CA3: variants seen among roughly 807,000 people sequenced by gnomAD.
CA3 encodes the protein carbonic anhydrase 3.
In CA3, 30 loss-of-function variants were observed where a neutral mutation model predicts 35.7. That is an observed-to-expected ratio of 0.84 (90% CI 0.63 to 1.14). The LOEUF is 1.14. Among genes scored for constraint, CA3 ranks in the 50% most tolerant of loss-of-function variants. The pLI is 0.00. For synonymous variants in CA3, 131 were observed against 130.8 expected (o/e 1.00, Z -0.01); for missense variants, 295 against 328.5 (o/e 0.90, Z 0.79).
chr8:85,439,302 G>T (rs1359303069), intron 1 of CA3, among the ~76,000 whole-genome samples: 1 of 152,164 alleles, frequency 6.6e-6, no homozygotes, highest in Non-Finnish European at 1.5e-5. Context: ...TGGTGCCGGT[G>T]TGAGAATCTC....
chr8:85,444,057 G>A lies in CA3; in HGVS notation c.375G>A (p.Pro125=), dbSNP rs965371263. 21 of 1,613,212 alleles carry A rather than the reference G, an allele frequency of 1.3e-5. No homozygotes were observed. The highest frequency in any genetic ancestry group is 3.3e-4 in the Middle Eastern group (2 of 6,082). ...AAELHLVHWN[P]KYNTFKEALK... ...AGCTTCATTTGGTTCACTGGAACCC[G>A]AAGTATAACACTTTTAAAGAAGCCC... The change falls in exon 4 of 7, where the codon CCG becomes CCA. Residue 125 remains proline (P), a synonymous_variant. Coordinates refer to ENST00000285381, the MANE Select transcript of CA3 (RefSeq NM_005181.4).
intron 1 of CA3, among the ~76,000 whole-genome samples, 194 bp from the exon 2 acceptor site, chr8:85,439,518 G>C (rs1811177687): frequency 6.6e-6 from 1 of 152,122 alleles, no homozygotes; most frequent in Non-Finnish European, 1.5e-5. Context: ...GAGTTAAATA[G>C]TCTCCATGTG....
chr8:85,443,949 C>A, intron 3 of CA3, 85 bp from the exon 4 acceptor site: 1 of 962,090 alleles, frequency 1.0e-6, no homozygotes, highest in Non-Finnish European at 1.7e-6. Flanking sequence ...TTAGCCTGTA[C>A]AATGATTGGG....
chr8:85,445,548 C>T (rs955266070), intron 5 of CA3, among the ~76,000 whole-genome samples: 10 of 139,422 alleles, frequency 7.2e-5, no homozygotes, highest in East Asian at 4.1e-4. Flanking sequence ...ACACACACTG[C>T]ATATATGCAT....
intron 2 of CA3, 77 bp downstream of exon 2, chr8:85,439,986 A>C: frequency 9.0e-7 from 1 of 1,113,288 alleles, no homozygotes; most frequent in Non-Finnish European, 1.3e-6. Context: ...ATGACACAGT[A>C]CCAGAATTAA....
chr8:85,444,877 A>G (rs1811260373), intron 4 of CA3, among the ~76,000 whole-genome samples: 1 of 152,204 alleles, frequency 6.6e-6, no homozygotes, highest in Non-Finnish European at 1.5e-5. Flanking sequence ...GGTTTTTAGA[A>G]AAGTGGAATG....
chr8:85,447,900 A>G (rs746929067), intron 6 of CA3, 134 bp from the exon 7 acceptor site: 230 of 849,728 alleles, frequency 2.7e-4, no homozygotes, highest in Non-Finnish European at 3.9e-4. Context: ...CTCTGTCTCA[A>G]AAACAAACAA....
rs191331510 is a variant in CA3 at position 85,440,336 on chromosome 8, A to G, written c.232+427A>G. On this transcript the variant is annotated intron_variant, in intron 2 of 6. Transcript: ENST00000285381. Reference sequence around the variant, plus strand: ...GCCAGATATACAATAGAAACCCTAAATAGGCACTTTCTTCCCTTGGTGCCT... The same window carrying G: ...GCCAGATATACAATAGAAACCCTAAGTAGGCACTTTCTTCCCTTGGTGCCT... Among the ~76,000 whole-genome samples, 4 of 152,304 alleles carry G rather than the reference A, an allele frequency of 2.6e-5. No individual in the cohort carries two copies. The East Asian group carries it at 7.7e-4, about 29-fold the overall frequency.
chr8:85,440,487 T>A (rs1811192669), intron 2 of CA3, among the ~76,000 whole-genome samples: 1 of 152,216 alleles, frequency 6.6e-6, no homozygotes, highest in African/African-American at 2.4e-5. Context: ...ATCTGACAAT[T>A]TCTTCTTGAG....
intron 1 of CA3, among the ~76,000 whole-genome samples, chr8:85,439,426 A>G (rs912224492): frequency 3.3e-5 from 5 of 152,178 alleles, no homozygotes; most frequent in African/African-American, 1.2e-4. Context: ...CAACTCTATG[A>G]TGGAAGGTGT....
In CA3 at chr8:85,443,990, A is replaced by G. The variant is rs777753695; in HGVS notation, c.352-44A>G. 3.9e-6 allele frequency: 5 copies of G among 1,280,902 alleles called. No individual in the cohort carries two copies. The South Asian group carries it at 4.7e-5, about 12-fold the overall frequency. The allele number at this position is 1,280,902 out of a possible 1,614,324, so 79.3% of individuals were successfully genotyped here. A position where few individuals can be genotyped will look rare whatever the true frequency, so the allele number is the denominator to read the frequency against. On this transcript the variant is annotated intron_variant, in intron 3 of 6. Transcript: ENST00000285381. The stretch of plus-strand genomic sequence containing the variant: ...TGTGGATAATGTTGTACTTATTTCC[A>G]TATTCCAGGAATTTACCTTCTAATC...
chr8:85,445,164 T>A lies in CA3; in HGVS notation c.453T>A (p.His151Gln), dbSNP rs767614051. ...TTTCTGTTTTCTTACAGATAGGACA[T>A]GAGAATGGCGAGTTCCAGATTTTCC... ...AVIGIFLKIG[H>Q]ENGEFQIFLD... Residue 151 changes from histidine (H) to glutamine (Q), a missense_variant, in exon 5 of 7, where the codon CAT (histidine) becomes CAA (glutamine). Transcript: ENST00000285381. 1 of 1,603,572 alleles carries A rather than the reference T, an allele frequency of 6.2e-7. No individual in the cohort carries two copies. Among genetic ancestry groups the A allele is most frequent in the Non-Finnish European group, 8.5e-7 (1 of 1,172,302 alleles).
rs984203745 is a variant in CA3, at chr8:85,445,192, G to C, written c.481G>C (p.Asp161His). Residue 161 changes from aspartate to histidine, a missense_variant, in exon 5 of 7, where the codon GAT (aspartate) becomes CAT (histidine). Asp to His is a moderately conservative substitution (Grantham distance 81). Coordinates refer to ENST00000285381, the MANE Select transcript of CA3 (RefSeq NM_005181.4). ...GAATGGCGAGTTCCAGATTTTCCTTGATGCATTGGACAAGATTAAGACAAA... is the reference window on the plus strand; with the variant it reads ...GAATGGCGAGTTCCAGATTTTCCTTCATGCATTGGACAAGATTAAGACAAA... The part of the protein sequence containing the change: ...HENGEFQIFL[D>H]ALDKIKTKGK... The C allele has an allele frequency of 3.7e-6, 6 of 1,608,036 alleles. No individual in the cohort carries two copies. The highest frequency in any genetic ancestry group is 5.1e-6 in the Non-Finnish European group (6 of 1,176,148).
intron 2 of CA3, 31 bp downstream of exon 2, chr8:85,439,940 G>A (rs201808951): frequency 7.1e-6 from 11 of 1,554,390 alleles, no homozygotes; most frequent in Non-Finnish European, 8.8e-6. Flanking sequence ...GAATCACATG[G>A]ATGTTTTCAA....
At chr8:85,438,966 C>T (rs1015350490) in intron 1 of CA3, 23 bp downstream of exon 1, 3 of 1,550,712 alleles carry the variant, frequency 1.9e-6, no homozygotes, top group African/African-American at 2.7e-5. Flanking sequence ...AGCCGCGACC[C>T]GGCCAGGAAG....
Position 85,439,889 on chromosome 8 carries a change from A to T in CA3, c.212A>T (p.Asp71Val). Residue 71 changes from aspartate (D) to valine (V), a missense_variant, in exon 2 of 7, where the codon GAT (aspartate) becomes GTT (valine). Transcript: ENST00000285381. ...NNGKTCRVVF[D>V]DTYDRSMLRG... Reference sequence around the variant, plus strand: ...GGGAAGACCTGCCGAGTTGTATTTGATGATACTTATGATAGGTCAAGTAAG... The same window carrying T: ...GGGAAGACCTGCCGAGTTGTATTTGTTGATACTTATGATAGGTCAAGTAAG... The T allele has an allele frequency of 6.2e-7, 1 of 1,612,248 alleles. No homozygotes were observed. Among genetic ancestry groups the T allele is most frequent in the Non-Finnish European group, 8.5e-7 (1 of 1,179,442 alleles).
At chr8:85,441,974 T>C in intron 2 of CA3, 99 bp from the exon 3 acceptor site, 1 of 748,520 alleles carries the variant, frequency 1.3e-6, no homozygotes, top group Non-Finnish European at 2.4e-6. Context: ...ACTGACCACA[T>C]TTTGTCCATT....
intron 6 of CA3, among the ~76,000 whole-genome samples, chr8:85,446,886 T>C (rs1365743992): frequency 2.6e-5 from 4 of 152,088 alleles, no homozygotes; most frequent in Non-Finnish European, 5.9e-5. Context: ...TAACATTCAT[T>C]AAAGACACTA....
chr8:85,445,503 AACACACACACAC>A (rs766933947), intron 5 of CA3, among the ~76,000 whole-genome samples: 4 of 123,294 alleles, frequency 3.2e-5, no homozygotes, highest in African/African-American at 7.7e-5. Context: ...ATCCTCGCCC[AACACACACACAC>A]ACACACACAC....
Sources: allele counts gnomAD v4.1 joint callset (sites outside exome capture counted in the v4.1 genomes callset), GRCh38; gene constraint gnomAD v4.1.1; transcripts MANE v1.5; gene names NCBI Gene and HGNC (gene_info 2026-07-23, HGNC 2026-07-21).